The following PDE8B variants were observed in gnomAD, a reference collection of about 807,000 sequenced individuals.
PDE8B encodes high affinity cAMP-specific and IBMX-insensitive 3',5'-cyclic phosphodiesterase 8B.
A neutral mutation model predicts 101.3 loss-of-function variants in PDE8B; 26 were observed. That is an observed-to-expected ratio of 0.26 (90% confidence interval 0.19 to 0.36). PDE8B has a LOEUF of 0.36. Among genes scored for constraint, PDE8B ranks in the 10% least tolerant of loss-of-function variants. PDE8B has a pLI of 1.00. For synonymous variants in PDE8B, 424 were observed against 429.3 expected, an observed-to-expected ratio of 0.99 and a Z score of 0.15; for missense variants, 810 against 1,163.1, an observed-to-expected ratio of 0.70 and a Z score of 4.42.
At chr5:77,410,517 CCTCA>C (rs1481993377) in intron 14 of PDE8B, 1 of 152,220 alleles carries the variant, frequency 6.6e-6, no homozygotes, top group African/African-American at 2.4e-5. Context: ...CCTTCTCCTA[CCTCA>C]CTGCCATACC....
intron 19 of PDE8B, among the ~76,000 whole-genome samples, chr5:77,421,432 C>A (rs1363077790): frequency 1.3e-5 from 2 of 152,088 alleles, no homozygotes; most frequent in Admixed American, 6.5e-5. Context: ...AAAAGCTCTG[C>A]TTTTACACAT....
At chr5:77,163,355 T>G in the PDE8B span, among the ~76,000 whole-genome samples, 3 of 152,198 alleles carry the variant, frequency 2.0e-5, no homozygotes, top group African/African-American at 4.8e-5. Flanking sequence ...ACATGTGGTG[T>G]TCACATATAT....
intron 1 of PDE8B, among the ~76,000 whole-genome samples, chr5:77,222,346 G>A (rs1034985113): frequency 5.9e-5 from 9 of 152,090 alleles, no homozygotes; most frequent in African/African-American, 1.4e-4. Flanking sequence ...TATGATGGCC[G>A]GGCATGGTGG....
chr5:77,174,406 T>A, the PDE8B span, among the ~76,000 whole-genome samples: 13 of 152,304 alleles, frequency 8.5e-5, no homozygotes, highest in East Asian at 9.7e-4. Flanking sequence ...TCTTTCCTTT[T>A]TTTTCCATCC....
At chr5:77,398,620 C>T (rs558069074) in intron 10 of PDE8B, among the ~76,000 whole-genome samples, 61 of 152,310 alleles carry the variant, frequency 4.0e-4, no homozygotes, top group African/African-American at 1.4e-3. Context: ...GGCGCCCGAC[C>T]GGCTGTTTTA....
intron 1 of PDE8B, among the ~76,000 whole-genome samples, chr5:77,214,487 G>A (rs1210935879): frequency 6.6e-6 from 1 of 152,196 alleles, no homozygotes; most frequent in Non-Finnish European, 1.5e-5. Flanking sequence ...AATTTGGTAA[G>A]CAAAGCCTAA....
At chr5:77,267,046 A>C (rs1367050884) in intron 1 of PDE8B, among the ~76,000 whole-genome samples, 1 of 152,138 alleles carries the variant, frequency 6.6e-6, no homozygotes, top group African/African-American at 2.4e-5. Context: ...ATATCCTTTG[A>C]GCCCACATGA....
the PDE8B span, chr5:77,087,249 T>G: frequency 1.3e-5 from 2 of 152,332 alleles, no homozygotes; most frequent in African/African-American, 4.8e-5. Context: ...CAGCGCTGCA[T>G]TCACACGTCT....
At chr5:77,283,832 G>A (rs1439447266) in intron 1 of PDE8B, among the ~76,000 whole-genome samples, 1 of 152,140 alleles carries the variant, frequency 6.6e-6, no homozygotes. Flanking sequence ...TAAATTTTCA[G>A]GTTATCTGAG....
chr5:77,159,417 T>C, the PDE8B span, among the ~76,000 whole-genome samples: 11 of 152,260 alleles, frequency 7.2e-5, no homozygotes, highest in East Asian at 2.1e-3. Flanking sequence ...CAGGCCTAGT[T>C]TTCCAGCCTA....
At chr5:77,351,960 C>G (rs566967982) in intron 9 of PDE8B, among the ~76,000 whole-genome samples, 1 of 152,172 alleles carries the variant, frequency 6.6e-6, no homozygotes, top group African/African-American at 2.4e-5. Context: ...GAATAGAAAA[C>G]GAGATGTTTC....
chr5:77,370,017 T>G (rs1784811598), intron 10 of PDE8B, among the ~76,000 whole-genome samples: 1 of 152,264 alleles, frequency 6.6e-6, no homozygotes, highest in Admixed American at 6.5e-5. Context: ...ATATTTGCAT[T>G]ATCACATCTC....
At chr5:77,382,524 T>G (rs1461583895) in intron 10 of PDE8B, among the ~76,000 whole-genome samples, 1 of 152,192 alleles carries the variant, frequency 6.6e-6, no homozygotes, top group Non-Finnish European at 1.5e-5. Flanking sequence ...GGTGGTTTCC[T>G]GCACCCATCA....
chr5:77,245,839 T>TCCC (rs533447203), intron 1 of PDE8B, among the ~76,000 whole-genome samples: 44 of 6,084 alleles, frequency 7.2e-3, no homozygotes, highest in African/African-American at 7.8e-3. Context: ...TATAACCTCC[T>TCCC]CCCCCCCCCG....
Position 77,426,991 on chromosome 5 carries a change from A to G in PDE8B, c.*437A>G, listed in dbSNP as rs3733953. The G allele has an allele frequency of 0.025, 4,758 of 193,134 alleles. 158 individuals carry two copies. The highest frequency in any genetic ancestry group is 0.12 in the South Asian group (1,128 of 9,258). 12.0% of individuals were successfully genotyped at this position (193,134 alleles called of 1,614,324 possible). A position where few individuals can be genotyped will look rare whatever the true frequency, so the allele number is the denominator to read the frequency against. On this transcript the variant is annotated 3_prime_UTR_variant, in exon 22 of 22. Coordinates refer to ENST00000264917, the MANE Select transcript of PDE8B (RefSeq NM_003719.5). ...TAGCTTGACTGTTTTCCTCAAGAACATCGATCTGAAGGATTCATAAGGAGC... is the reference window on the plus strand; with the variant it reads ...TAGCTTGACTGTTTTCCTCAAGAACGTCGATCTGAAGGATTCATAAGGAGC...
intron 11 of PDE8B, among the ~76,000 whole-genome samples, chr5:77,403,932 C>A (rs1380427762): frequency 2.6e-5 from 4 of 152,194 alleles, no homozygotes; most frequent in Non-Finnish European, 5.9e-5. Flanking sequence ...GATCCTCCTG[C>A]CTCAGCCTCC....
chr5:77,186,413 G>A, the PDE8B span, among the ~76,000 whole-genome samples: 1 of 152,156 alleles, frequency 6.6e-6, no homozygotes, highest in South Asian at 2.1e-4. Context: ...TGGAAAAGCA[G>A]CATTTCAGTT....
the PDE8B span, among the ~76,000 whole-genome samples, chr5:77,095,281 A>C: frequency 2.0e-5 from 3 of 152,126 alleles, no homozygotes; most frequent in East Asian, 1.9e-4. Context: ...GAGCATCCCC[A>C]AAAATTGTTG....
At chr5:77,379,742 T>C (rs1787083371) in intron 10 of PDE8B, among the ~76,000 whole-genome samples, 1 of 152,180 alleles carries the variant, frequency 6.6e-6, no homozygotes, top group African/African-American at 2.4e-5. Context: ...TTTTTGAAAA[T>C]AGAAAAGATC....
Sources: allele counts gnomAD v4.1 joint callset (sites outside exome capture counted in the v4.1 genomes callset), GRCh38; gene constraint gnomAD v4.1.1; transcripts MANE v1.5; gene names NCBI Gene and HGNC (gene_info 2026-07-23, HGNC 2026-07-21).